The following BRINP2 variants were observed in gnomAD, a reference collection of about 807,000 sequenced individuals.
BRINP2 encodes BMP/retinoic acid-inducible neural-specific protein 2.
BRINP2 carries 21 observed loss-of-function variants against 69.2 expected under a neutral mutation model. The observed-to-expected ratio is 0.30, with a 90% CI of 0.22 to 0.44. The LOEUF is 0.44. Ranked by LOEUF, BRINP2 falls within the 20% of genes least tolerant of loss-of-function variation. The pLI, the probability that BRINP2 is intolerant of heterozygous loss-of-function variation, is 1.00. For synonymous variants in BRINP2, 380 were observed against 394.1 expected (o/e 0.96, Z 0.42); for missense variants, 877 against 986.0 (o/e 0.89, Z 1.48).
At chr1:177,239,064 G>A (rs1347202739) in intron 2 of BRINP2, among the ~76,000 whole-genome samples, 1 of 152,196 alleles carries the variant, frequency 6.6e-6, no homozygotes, top group Non-Finnish European at 1.5e-5. Context: ...ATAAATCACT[G>A]AGCCTGGGCT....
rs866619275 is a variant in BRINP2 at position 177,269,998 on chromosome 1, T to C, written c.670-3490T>C. 3.4e-4 allele frequency among the ~76,000 whole-genome samples: 51 copies of C among 148,744 alleles called. 1 individual carries two copies. The highest frequency in any genetic ancestry group is 1.3e-3 in the African/African-American group (51 of 40,714). On this transcript the variant is annotated intron_variant, in intron 4 of 7. Transcript: ENST00000361539. ...CTCTTTATAATCTGCCAAAGCTGTC[T>C]GCCTCTTCTACAAAGAAAAGTGCAG... is the stretch of plus-strand genomic sequence containing the variant.
intron 4 of BRINP2, among the ~76,000 whole-genome samples, chr1:177,269,362 C>A (rs1195703396): frequency 1.3e-5 from 2 of 152,202 alleles, no homozygotes; most frequent in Non-Finnish European, 2.9e-5. Flanking sequence ...CATAATTCCC[C>A]AGAAGGGATT....
chr1:177,204,486 GA>G (rs907119322), intron 1 of BRINP2, among the ~76,000 whole-genome samples: 12 of 150,050 alleles, frequency 8.0e-5, no homozygotes, highest in African/African-American at 2.2e-4. Context: ...AGAACAAGCA[GA>G]AAAAAAAAGA....
intron 4 of BRINP2, among the ~76,000 whole-genome samples, chr1:177,265,542 A>T (rs1054704156): frequency 5.3e-5 from 8 of 152,176 alleles, no homozygotes; most frequent in African/African-American, 1.7e-4. Context: ...TGCTACCATG[A>T]GTGCAAATCA....
chr1:177,223,011 A>G (rs535071643), intron 1 of BRINP2, among the ~76,000 whole-genome samples: 1 of 152,312 alleles, frequency 6.6e-6, no homozygotes, highest in South Asian at 2.1e-4. Flanking sequence ...TAGAAGTACT[A>G]TTTGATCAGC....
intron 1 of BRINP2, among the ~76,000 whole-genome samples, chr1:177,191,485 A>T (rs3926739): frequency 6.6e-6 from 1 of 151,896 alleles, no homozygotes; most frequent in African/African-American, 2.4e-5. Flanking sequence ...GATGGAGTCT[A>T]GCTCTGTCAC....
At position 177,281,084 on chromosome 1, in the gene BRINP2, G is replaced by A. The variant is rs1210632558; in HGVS notation, c.1908G>A (p.Lys636=). The part of the protein sequence containing the change: ...NWTITLGNRW[K]TFFETVHVYL... ...CTATCACCTTGGGGAATAGGTGGAA[G>A]ACTTTCTTTGAGACAGTTCATGTTT... is the stretch of plus-strand genomic sequence containing the variant. Residue 636 remains lysine, a synonymous_variant, in exon 8 of 8, where the codon AAG becomes AAA. Transcript: ENST00000361539. The A allele has an allele frequency of 4.3e-6, 7 of 1,614,216 alleles. No homozygotes were observed. The highest frequency in any genetic ancestry group is 3.3e-5 in the South Asian group (3 of 91,082).
chr1:177,273,935 C>T (rs1651415295), intron 5 of BRINP2, among the ~76,000 whole-genome samples: 1 of 152,182 alleles, frequency 6.6e-6, no homozygotes, highest in Non-Finnish European at 1.5e-5. Context: ...ATCTTCATTT[C>T]CCAGAAAACC....
rs879342603 is a variant in BRINP2, at chr1:177,171,150, T to C, written c.-659T>C. Among the ~76,000 whole-genome samples, 3 of 152,144 alleles carry C rather than the reference T, an allele frequency of 2.0e-5. No homozygotes were observed. Among genetic ancestry groups the C allele is most frequent in the Non-Finnish European group, 4.4e-5 (3 of 68,030 alleles). ...CACCTGCCGTGCGCTCCGAGGTCAG[T>C]GGCAGGTCTGCAGGCAGCCGAGGGA... is the stretch of plus-strand genomic sequence containing the variant. On this transcript the variant is annotated 5_prime_UTR_variant, in exon 1 of 8. Coordinates refer to ENST00000361539, the MANE Select transcript of BRINP2 (RefSeq NM_021165.4).
intron 3 of BRINP2, chr1:177,256,469 A>C: frequency 2.0e-6 from 2 of 985,412 alleles, no homozygotes; most frequent in South Asian, 4.7e-5. Flanking sequence ...ACCCACAGGC[A>C]AAAAAGTCGA....
At chr1:177,278,471 T>C in intron 6 of BRINP2, 92 bp from the exon 7 acceptor site, 2 of 1,239,604 alleles carry the variant, frequency 1.6e-6, no homozygotes, top group Non-Finnish European at 2.4e-6. Flanking sequence ...GCAGTAACTT[T>C]GAAGGGCCCT....
chr1:177,250,256 T>C (rs1650538137), intron 2 of BRINP2, among the ~76,000 whole-genome samples: 1 of 152,122 alleles, frequency 6.6e-6, no homozygotes, highest in Non-Finnish European at 1.5e-5. Flanking sequence ...GTGATGAAAA[T>C]AGATTTGGGT....
chr1:177,239,148 G>A (rs1024318176), intron 2 of BRINP2, among the ~76,000 whole-genome samples: 8 of 152,194 alleles, frequency 5.3e-5, no homozygotes, highest in Admixed American at 2.6e-4. Context: ...TAGGCAGCCC[G>A]GTAGGTCTTT....
intron 2 of BRINP2, among the ~76,000 whole-genome samples, chr1:177,253,550 A>C (rs1185679898): frequency 6.6e-6 from 1 of 151,914 alleles, no homozygotes; most frequent in Non-Finnish European, 1.5e-5. Flanking sequence ...ATGTAATCCC[A>C]TTTGTTTATT....
At chr1:177,248,668 C>A (rs1650475758) in intron 2 of BRINP2, among the ~76,000 whole-genome samples, 1 of 152,054 alleles carries the variant, frequency 6.6e-6, no homozygotes, top group Admixed American at 6.5e-5. Flanking sequence ...GCTGGAAGAC[C>A]CCAGCTGTGC....
intron 6 of BRINP2, among the ~76,000 whole-genome samples, chr1:177,277,498 C>G (rs1651537783): frequency 6.6e-6 from 1 of 151,488 alleles, no homozygotes; most frequent in Non-Finnish European, 1.5e-5. Flanking sequence ...TCTGCATGCT[C>G]TTCCATACAC....
intron 1 of BRINP2, among the ~76,000 whole-genome samples, chr1:177,192,531 T>A (rs1377115133): frequency 6.6e-6 from 1 of 152,214 alleles, no homozygotes; most frequent in Non-Finnish European, 1.5e-5. Flanking sequence ...CCTGGATCTG[T>A]GCATACATGT....
At chr1:177,201,989 G>C (rs1192250717) in intron 1 of BRINP2, among the ~76,000 whole-genome samples, 1 of 152,204 alleles carries the variant, frequency 6.6e-6, no homozygotes, top group African/African-American at 2.4e-5. Context: ...TATTTGCGTA[G>C]AGGTGCTCAT....
chr1:177,207,054 T>C (rs541806520), intron 1 of BRINP2, among the ~76,000 whole-genome samples: 1 of 152,274 alleles, frequency 6.6e-6, no homozygotes, highest in Non-Finnish European at 1.5e-5. Flanking sequence ...CAGGAAGCTA[T>C]AAAGCTGCAA....
Sources: gnomAD v4.1 joint callset for allele counts (sites outside exome capture counted in the v4.1 genomes callset) on GRCh38, gnomAD v4.1.1 for gene constraint, MANE v1.5 for transcripts, NCBI Gene and HGNC (gene_info 2026-07-23, HGNC 2026-07-21) for gene names.